The following DNAH9 variants were observed in gnomAD, a reference collection of about 807,000 sequenced individuals.
The protein encoded by DNAH9 is DNAH9 variant protein.
Under a neutral mutation model 471.6 loss-of-function variants are expected in DNAH9, and 345 were observed. The observed-to-expected ratio is 0.73, with a 90% CI of 0.67 to 0.80. The LOEUF is 0.80. DNAH9 is among the 30% of genes least tolerant of loss of function. DNAH9 has a pLI of 0.00. For synonymous variants in DNAH9, 2,093 were observed against 2,123.6 expected (o/e 0.99, Z 0.40); for missense variants, 5,407 against 5,609.2 (o/e 0.96, Z 1.15).
chr17:11,818,738 C>T (rs1244427199), intron 45 of DNAH9, among the ~76,000 whole-genome samples: 1 of 152,090 alleles, frequency 6.6e-6, no homozygotes, highest in Non-Finnish European at 1.5e-5. Flanking sequence ...TTCACCTTTA[C>T]ATCATATCCA....
chr17:11,635,503 T>C (rs549962632), intron 8 of DNAH9, among the ~76,000 whole-genome samples: 21 of 152,218 alleles, frequency 1.4e-4, no homozygotes, highest in African/African-American at 5.1e-4. Flanking sequence ...TTTTTAATTC[T>C]CTTTTGAAAT....
intron 15 of DNAH9, among the ~76,000 whole-genome samples, chr17:11,667,284 T>A (rs1052302343): frequency 7.5e-6 from 1 of 133,622 alleles, no homozygotes; most frequent in African/African-American, 2.7e-5. Flanking sequence ...TAAGCTATAC[T>A]ATTTTATAAA....
intron 29 of DNAH9, among the ~76,000 whole-genome samples, chr17:11,739,633 A>G (rs1407527036): frequency 1.3e-5 from 2 of 152,178 alleles, no homozygotes; most frequent in East Asian, 3.9e-4. Flanking sequence ...GTAGTACCAA[A>G]TTACACTCCT....
At chr17:11,895,034 G>C (rs1443786978) in intron 59 of DNAH9, among the ~76,000 whole-genome samples, 1 of 152,166 alleles carries the variant, frequency 6.6e-6, no homozygotes, top group Non-Finnish European at 1.5e-5. Context: ...GGTATTATTT[G>C]TTCCCATTTA....
At chr17:11,697,292 A>G (rs561105405) in intron 22 of DNAH9, among the ~76,000 whole-genome samples, 1 of 152,268 alleles carries the variant, frequency 6.6e-6, no homozygotes, top group African/African-American at 2.4e-5. Flanking sequence ...TTCACATGTG[A>G]GCAAGTGAAT....
intron 57 of DNAH9, among the ~76,000 whole-genome samples, chr17:11,888,052 G>A (rs563464808): frequency 1.3e-4 from 20 of 151,026 alleles, no homozygotes; most frequent in Admixed American, 4.0e-4. Context: ...GCGCGATCTC[G>A]GCTTACTGCA....
intron 1 of DNAH9, among the ~76,000 whole-genome samples, chr17:11,606,990 C>T (rs2072523119): frequency 6.6e-6 from 1 of 152,114 alleles, no homozygotes; most frequent in Admixed American, 6.5e-5. Context: ...TCCATGTTCA[C>T]CTATGGATTT....
chr17:11,766,099 A>G (rs1222530122), intron 36 of DNAH9, among the ~76,000 whole-genome samples: 1 of 152,174 alleles, frequency 6.6e-6, no homozygotes, highest in Non-Finnish European at 1.5e-5. Flanking sequence ...CAAGGGAGAA[A>G]GCTTTTAGCA....
At chr17:11,747,795 T>C in intron 32 of DNAH9, 29 bp downstream of exon 32, 1 of 1,592,696 alleles carries the variant, frequency 6.3e-7, no homozygotes, top group Non-Finnish European at 8.6e-7. Flanking sequence ...CAGGAGAAAG[T>C]CTCTGCTAGC....
At chr17:11,740,798 G>A (rs1490701596) in intron 29 of DNAH9, among the ~76,000 whole-genome samples, 1 of 152,192 alleles carries the variant, frequency 6.6e-6, no homozygotes, top group African/African-American at 2.4e-5. Context: ...CTAGTAAGCG[G>A]CAGAATGCTA....
Position 11,682,010 on chromosome 17 carries a change from G to A in DNAH9, c.3743+1121G>A, listed in dbSNP as rs2074141211. Reference sequence around the variant, plus strand: ...TTAAAGAGATCATTCTTGAAAGTGTGTAGCACTGTGTCTGGTACTATGGTG... The same window carrying A: ...TTAAAGAGATCATTCTTGAAAGTGTATAGCACTGTGTCTGGTACTATGGTG... On this transcript the variant is annotated intron_variant, in intron 19 of 68. Coordinates refer to ENST00000262442, the MANE Select transcript of DNAH9 (RefSeq NM_001372.4). Among the ~76,000 whole-genome samples, 3 of 152,170 alleles carry A rather than the reference G, an allele frequency of 2.0e-5. No individual in the cohort carries two copies. In the South Asian group the frequency reaches 6.2e-4, roughly 32 times the overall value.
intron 28 of DNAH9, among the ~76,000 whole-genome samples, chr17:11,732,846 C>T (rs2075290565): frequency 6.6e-6 from 1 of 152,104 alleles, no homozygotes; most frequent in Admixed American, 6.5e-5. Context: ...CTTCTCTTCC[C>T]TGCATTACAA....
At chr17:11,786,329 G>A (rs2158971) in intron 41 of DNAH9, among the ~76,000 whole-genome samples, 62,746 of 151,776 alleles carry the variant, frequency 0.41, 13,342 homozygotes, top group Admixed American at 0.5. Context: ...CAATGACAGC[G>A]CCAATGGTCA....
intron 31 of DNAH9, among the ~76,000 whole-genome samples, chr17:11,747,317 C>A (rs11650739): frequency 0.084 from 12,790 of 152,134 alleles, 693 homozygotes; most frequent in Non-Finnish European, 0.11. Flanking sequence ...ATCCCCCTCG[C>A]CTGGCACACT....
chr17:11,843,861 G>GTATATATATATATATATA (rs1166364623), intron 49 of DNAH9, among the ~76,000 whole-genome samples: 61 of 54,158 alleles, frequency 1.1e-3, no homozygotes, highest in African/African-American at 2.4e-3. Flanking sequence ...GTGTGTGTGT[G>GTATATATATATATATATA]TGTATATATA....
intron 48 of DNAH9, among the ~76,000 whole-genome samples, chr17:11,831,551 G>T (rs1422660987): frequency 6.6e-6 from 1 of 152,022 alleles, no homozygotes; most frequent in African/African-American, 2.4e-5. Flanking sequence ...CAAATATCCA[G>T]ACTATAACAG....
Position 11,937,629 on chromosome 17 carries a change from C to T in DNAH9, c.12660+107C>T. On this transcript the variant is annotated intron_variant, in intron 66 of 68. Transcript: ENST00000262442. This position sits in a 1 kb window ranked among gnomAD's most constrained non-coding sequence, Gnocchi z 4.1. ...TTGGCAGTACACAGCATAGACAACA[C>T]ACAAAGCACCAACCACCTGCAGCCT... 2 of 1,251,166 alleles carry T rather than the reference C, an allele frequency of 1.6e-6. No individual in the cohort carries two copies. The highest frequency in any genetic ancestry group is 1.1e-6 in the Non-Finnish European group (1 of 944,410). 77.5% of individuals were successfully genotyped at this position (1,251,166 alleles called of 1,614,324 possible).
chr17:11,900,503 C>CAAAAAAAAAA (rs71367356), intron 59 of DNAH9, among the ~76,000 whole-genome samples: 4 of 108,122 alleles, frequency 3.7e-5, no homozygotes, highest in South Asian at 3.5e-4. Flanking sequence ...CTTCCCCTGC[C>CAAAAAAAAAA]AAAAAAAAAA....
chr17:11,942,190 G>C (rs950143756), intron 66 of DNAH9, 113 bp from the exon 67 acceptor site: 1 of 1,415,470 alleles, frequency 7.1e-7, no homozygotes, highest in Non-Finnish European at 9.7e-7. Context: ...TCAGTGGGTG[G>C]AGGGGCAGCA....
Sources: gnomAD v4.1 joint callset for allele counts (sites outside exome capture counted in the v4.1 genomes callset) on GRCh38, gnomAD v4.1.1 for gene constraint, Gnocchi (gnomAD v3.1) non-coding constraint, MANE v1.5 for transcripts, NCBI Gene and HGNC (gene_info 2026-07-23, HGNC 2026-07-21) for gene names.